Variants in TGFBR3 observed in about 807,000 individuals in gnomAD.
TGFBR3 encodes transforming growth factor beta receptor 3, also known as transforming growth factor beta receptor type 3.
A neutral mutation model predicts 87.9 loss-of-function variants in TGFBR3; 46 were observed. The observed-to-expected ratio is 0.52, with a 90% CI of 0.41 to 0.67. The LOEUF is 0.67. TGFBR3 is among the 30% of genes least tolerant of loss of function. The probability of loss-of-function intolerance (pLI) is 0.00; values close to 1 mark genes in which losing one functional copy is unlikely to be tolerated. For synonymous variants in TGFBR3, 381 were observed against 391.6 expected, an observed-to-expected ratio of 0.97 and a Z score of 0.32; for missense variants, 866 against 1,041.9, an observed-to-expected ratio of 0.83 and a Z score of 2.32.
chr1:91,743,952 A>G (rs1673243943), intron 4 of TGFBR3, among the ~76,000 whole-genome samples: 1 of 152,214 alleles, frequency 6.6e-6, no homozygotes, highest in Non-Finnish European at 1.5e-5. Flanking sequence ...GTGTTATATA[A>G]ATGTAAAATG....
At chr1:91,886,283 C>A (rs371850227), upstream of TGFBR3, 3 of 413,958 alleles carry the variant, frequency 7.2e-6, no homozygotes, top group African/African-American at 6.2e-5. Flanking sequence ...GGCTCTCGGC[C>A]GCCCAGAAAC....
intron 16 of TGFBR3, among the ~76,000 whole-genome samples, chr1:91,685,238 A>C (rs1671050077): frequency 6.6e-6 from 1 of 151,274 alleles, no homozygotes; most frequent in African/African-American, 2.4e-5. Context: ...TACTTCCTCT[A>C]ATTATCTTTT....
intron 3 of TGFBR3, among the ~76,000 whole-genome samples, chr1:91,764,174 T>C (rs952696674): frequency 4.6e-5 from 7 of 152,028 alleles, no homozygotes; most frequent in African/African-American, 1.7e-4. Flanking sequence ...TCTTTCCCAA[T>C]GGTTTTGTCT....
At chr1:91,838,552 G>A (rs1049257419) in intron 2 of TGFBR3, among the ~76,000 whole-genome samples, 3 of 150,332 alleles carry the variant, frequency 2.0e-5, no homozygotes, top group Admixed American at 1.3e-4. Flanking sequence ...TCTGCCTCCC[G>A]GGTTCACACC....
At chr1:91,885,718 C>A (rs1679272678) in intron 1 of TGFBR3, among the ~76,000 whole-genome samples, 160 bp downstream of exon 1, 1 of 152,184 alleles carries the variant, frequency 6.6e-6, no homozygotes, top group Admixed American at 6.5e-5. Flanking sequence ...CACCGCCCCA[C>A]CAGCGCCTCC....
In TGFBR3 at chr1:91,712,348, T is replaced by C; in HGVS notation, c.2061A>G (p.Arg687=). 3 of 1,614,240 alleles carry C rather than the reference T, an allele frequency of 1.9e-6. No homozygotes were observed. The highest frequency in any genetic ancestry group is 2.5e-6 in the Non-Finnish European group (3 of 1,180,028). ...PIPQADMDKK[R]FSFVFKPVFN... ...AGACAGGCTTGAAGACAAAGCTGAA[T>C]CGCTTCTTATCCATGTCAGCTTGCG... The change falls in exon 13 of 17, where the codon CGA becomes CGG. Residue 687 remains arginine (R), a synonymous_variant. Coordinates refer to ENST00000212355, the MANE Select transcript of TGFBR3 (RefSeq NM_003243.5).
intron 3 of TGFBR3, among the ~76,000 whole-genome samples, chr1:91,793,248 C>A (rs568000898): frequency 6.8e-4 from 104 of 152,228 alleles, no homozygotes; most frequent in African/African-American, 2.3e-3. Context: ...CTTTAAGGCA[C>A]CTGGGAGGTA....
At chr1:91,723,842 A>G (rs933819710) in intron 7 of TGFBR3, among the ~76,000 whole-genome samples, 2 of 152,112 alleles carry the variant, frequency 1.3e-5, no homozygotes, top group South Asian at 2.1e-4. Context: ...TGCATGCAGC[A>G]TTTTTCCTAA....
At chr1:91,899,609 A>G (rs1201118019) in intron 2 of TGFBR3, 1 of 152,078 alleles carries the variant, frequency 6.6e-6, no homozygotes, top group African/African-American at 2.4e-5. Flanking sequence ...TGACATCTTG[A>G]CTTAGGTGAC....
intron 2 of TGFBR3, among the ~76,000 whole-genome samples, chr1:91,821,599 C>G (rs1676453898): frequency 6.6e-6 from 1 of 152,090 alleles, no homozygotes; most frequent in Non-Finnish European, 1.5e-5. Flanking sequence ...GCAGAGAATC[C>G]TGGTTTCCTC....
intron 1 of TGFBR3, among the ~76,000 whole-genome samples, chr1:91,865,683 C>A (rs764556653): frequency 3.3e-5 from 5 of 151,942 alleles, no homozygotes; most frequent in Admixed American, 6.6e-5. Context: ...GAGGCCGAGG[C>A]GGGTGGATCA....
At chr1:91,792,436 A>G (rs556441435) in intron 3 of TGFBR3, among the ~76,000 whole-genome samples, 2 of 152,328 alleles carry the variant, frequency 1.3e-5, no homozygotes, top group Admixed American at 1.3e-4. Context: ...TTTAATGTCA[A>G]AACAAATGCA....
chr1:91,857,546 T>C (rs1678006514), intron 2 of TGFBR3, among the ~76,000 whole-genome samples: 1 of 152,200 alleles, frequency 6.6e-6, no homozygotes, highest in African/African-American at 2.4e-5. Flanking sequence ...GTGACCCCTC[T>C]GAGGTCTTTG....
chr1:91,688,120 G>A (rs1671151666), intron 16 of TGFBR3, among the ~76,000 whole-genome samples: 1 of 152,084 alleles, frequency 6.6e-6, no homozygotes, highest in Non-Finnish European at 1.5e-5. Flanking sequence ...AATTCTCCAG[G>A]AGGGGTGAGT....
In TGFBR3 at chr1:91,876,271, A is replaced by G. The variant is rs147058763; in HGVS notation, c.-114+9607T>C. Among the ~76,000 whole-genome samples, 323 of 152,294 alleles carry G rather than the reference A, an allele frequency of 2.1e-3. 1 individual carries two copies. The highest frequency in any genetic ancestry group is 7.4e-3 in the African/African-American group (309 of 41,564). ...CTTATTCAACACTCTGTGGAGGTGT[A>G]AGGTGTGAGAAACAGGAACTAAGAC... On this transcript the variant is annotated intron_variant, in intron 1 of 16. Transcript: ENST00000212355.
chr1:91,876,906 A>G (rs749301705), intron 1 of TGFBR3, among the ~76,000 whole-genome samples: 5 of 152,124 alleles, frequency 3.3e-5, no homozygotes, highest in Non-Finnish European at 7.4e-5. Flanking sequence ...CTGCAAAAAA[A>G]AAAGCAACCC....
At chr1:91,684,285 T>C (rs1171799461) in intron 16 of TGFBR3, among the ~76,000 whole-genome samples, 2 of 152,218 alleles carry the variant, frequency 1.3e-5, no homozygotes, top group Non-Finnish European at 2.9e-5. Context: ...CTTTCAATTG[T>C]AGTTAAGAGA....
chr1:91,883,519 T>C (rs1383319160), intron 1 of TGFBR3, among the ~76,000 whole-genome samples: 2 of 152,288 alleles, frequency 1.3e-5, no homozygotes, highest in East Asian at 3.9e-4. Context: ...TCAAACTATA[T>C]GTTTAATACT....
Position 91,736,125 on chromosome 1 carries a change from C to CA in TGFBR3, c.385-1167dup, listed in dbSNP as rs572603123. The stretch of plus-strand genomic sequence containing the variant: ...TAAACGTATCTTCTAAAAACGCTGG[C>CA]AAAAAAAAGTACTTCAATTAATTGA... On this transcript the variant is annotated intron_variant, in intron 4 of 16. Transcript: ENST00000212355. Among the ~76,000 whole-genome samples, 53 of 151,070 alleles carry CA rather than the reference C, an allele frequency of 3.5e-4. No individual in the cohort carries two copies. In the East Asian group the frequency reaches 8.0e-3, roughly 23 times the overall value.
Sources: gnomAD v4.1 joint callset for allele counts (sites outside exome capture counted in the v4.1 genomes callset) on GRCh38, gnomAD v4.1.1 for gene constraint, MANE v1.5 for transcripts, NCBI Gene and HGNC (gene_info 2026-07-23, HGNC 2026-07-21) for gene names.